The following FNIP2 variants were observed in gnomAD, a reference collection of about 807,000 sequenced individuals.
FNIP2 encodes folliculin interacting protein 2.
Under a neutral mutation model 108.7 loss-of-function variants are expected in FNIP2, and 32 were observed. The ratio of observed to expected loss-of-function variants is 0.29; its 90% CI spans 0.22 to 0.40. The LOEUF is 0.40. FNIP2 is among the 10% of genes least tolerant of loss of function. The pLI is 1.00. For synonymous variants in FNIP2, 480 were observed against 496.7 expected (o/e 0.97, Z 0.45); for missense variants, 1,202 against 1,381.6 (o/e 0.87, Z 2.06).
At chr4:158,837,353 A>G (rs1424948862) in intron 7 of FNIP2, among the ~76,000 whole-genome samples, 1 of 152,240 alleles carries the variant, frequency 6.6e-6, no homozygotes, top group Non-Finnish European at 1.5e-5. Flanking sequence ...GAACACTGAC[A>G]TCACAGTTTC....
At chr4:158,837,805 T>C (rs1054448588) in intron 7 of FNIP2, among the ~76,000 whole-genome samples, 4 of 152,228 alleles carry the variant, frequency 2.6e-5, no homozygotes, top group African/African-American at 9.6e-5. Context: ...GTTTGACTTC[T>C]ATTCTGGGCA....
intron 15 of FNIP2, among the ~76,000 whole-genome samples, chr4:158,892,980 T>C (rs1251573062): frequency 6.6e-6 from 1 of 152,216 alleles, no homozygotes; most frequent in Non-Finnish European, 1.5e-5. Flanking sequence ...AAGAAGGTGC[T>C]CTGAAATACC....
chr4:158,801,829 T>C (rs1776773094), intron 1 of FNIP2, among the ~76,000 whole-genome samples: 1 of 152,186 alleles, frequency 6.6e-6, no homozygotes, highest in Admixed American at 6.5e-5. Context: ...GATTGCACAC[T>C]GAACTGGTAT....
Position 158,851,366 on chromosome 4 carries a change from C to T in FNIP2, c.773C>T (p.Ser258Phe), listed in dbSNP as rs755820302. 1.7e-5 allele frequency: 27 copies of T among 1,613,874 alleles called. No homozygotes were observed. Among genetic ancestry groups the T allele is most frequent in the Non-Finnish European group, 2.1e-5 (25 of 1,179,884 alleles). Residue 258 changes from serine to phenylalanine, a missense_variant, in exon 8 of 17, where the codon TCC (serine) becomes TTC (phenylalanine). This residue lies in a region of FNIP2 where 878 missense variants were observed against 990.3 expected (regional missense o/e 0.89). Transcript: ENST00000264433. ...ATCACACCTTTCCCATCTCCAAGCT[C>T]CTCTACATCTTCTTCCAGCAGTTAC... is the stretch of plus-strand genomic sequence containing the variant. ...LLITPFPSPS[S>F]STSSSSSYQR...
intron 1 of FNIP2, among the ~76,000 whole-genome samples, chr4:158,778,753 G>T (rs765231536): frequency 2.0e-5 from 3 of 152,224 alleles, no homozygotes; most frequent in Non-Finnish European, 4.4e-5. Flanking sequence ...TCCACTGGAA[G>T]TCTTGAAAGG....
Position 158,868,481 on chromosome 4 carries a change from C to G in FNIP2, c.1845C>G (p.Asp615Glu), listed in dbSNP as rs1560816196. The stretch of plus-strand genomic sequence containing the variant: ...GTAGAGACCTGGGTCTTAAACCTGA[C>G]AAAGAAGCTAACAGGAGGCCAGAGC... ...TDSRDLGLKP[D>E]KEANRRPEQG... The change falls in exon 13 of 17, where the codon GAC (aspartate) becomes GAG (glutamate). Residue 615 changes from aspartate to glutamate, a missense_variant. Asp to Glu is a conservative substitution (Grantham distance 45). Coordinates refer to ENST00000264433, the MANE Select transcript of FNIP2 (RefSeq NM_020840.3). This position sits in a 1 kb window ranked among gnomAD's most constrained non-coding sequence, Gnocchi z 4.6. 3 of 1,613,994 alleles carry G rather than the reference C, an allele frequency of 1.9e-6. No homozygotes were observed.
intron 1 of FNIP2, among the ~76,000 whole-genome samples, chr4:158,786,580 A>T (rs1270565164): frequency 6.6e-6 from 1 of 152,218 alleles, no homozygotes; most frequent in Non-Finnish European, 1.5e-5. Context: ...AAATAAATGA[A>T]CAAACCCAGG....
chr4:158,872,218 C>T, intron 14 of FNIP2: 1 of 985,376 alleles, frequency 1.0e-6, no homozygotes, highest in Non-Finnish European at 1.2e-6. Flanking sequence ...TCTGGAAATG[C>T]AATCTATTGA....
intron 1 of FNIP2, among the ~76,000 whole-genome samples, chr4:158,818,944 G>A (rs1237653235): frequency 6.6e-6 from 1 of 152,192 alleles, no homozygotes; most frequent in East Asian, 1.9e-4. Context: ...CAAGCATCAT[G>A]TCTTCTGTGA....
At chr4:158,903,196 T>C (rs971950600) in intron 16 of FNIP2, among the ~76,000 whole-genome samples, 1 of 152,122 alleles carries the variant, frequency 6.6e-6, no homozygotes, top group Admixed American at 6.5e-5. Context: ...AGTGCAGATA[T>C]TGAGTTCCTC....
chr4:158,779,569 TG>T (rs1252650539), intron 1 of FNIP2, among the ~76,000 whole-genome samples: 4 of 74,976 alleles, frequency 5.3e-5, no homozygotes, highest in East Asian at 4.7e-4. Context: ...TTGTTGGTCG[TG>T]GTTTTTTTTT....
chr4:158,783,292 T>C (rs558262095), intron 1 of FNIP2, among the ~76,000 whole-genome samples: 1 of 152,326 alleles, frequency 6.6e-6, no homozygotes, highest in Non-Finnish European at 1.5e-5. Context: ...GTGAAAGCAT[T>C]GCCATAGTGT....
At chr4:158,900,787 A>AGTT (rs1729157665) in intron 16 of FNIP2, among the ~76,000 whole-genome samples, 1 of 152,054 alleles carries the variant, frequency 6.6e-6, no homozygotes, top group Admixed American at 6.5e-5. Context: ...CTCTTTATCC[A>AGTT]GTTTGCCAGT....
At chr4:158,831,557 G>A (rs1778482970) in intron 3 of FNIP2, among the ~76,000 whole-genome samples, 1 of 152,108 alleles carries the variant, frequency 6.6e-6, no homozygotes, top group South Asian at 2.1e-4. Flanking sequence ...TGTATTTAGA[G>A]TTTATAAATG....
intron 6 of FNIP2, chr4:158,834,071 T>C: frequency 3.3e-6 from 1 of 302,568 alleles, no homozygotes; most frequent in Non-Finnish European, 6.3e-6. Flanking sequence ...GAACCTCTCT[T>C]GTAAATGTCT....
In FNIP2 at chr4:158,904,865, T is replaced by TG. The variant is rs563373906; in HGVS notation, c.*324dup. 80 of 269,742 alleles carry TG rather than the reference T, an allele frequency of 3.0e-4. 1 individual carries two copies. The South Asian group carries it at 4.7e-3, about 16-fold the overall frequency. The allele number at this position is 269,742 out of a possible 1,614,324, so 16.7% of individuals were successfully genotyped here. On this transcript the variant is annotated 3_prime_UTR_variant, in exon 17 of 17. Transcript: ENST00000264433. ...TTGCAACAGATTGCCTTGTGCTGTT[T>TG]GGGCAGAATAAAGACAAGTGACTTG...
intron 8 of FNIP2, among the ~76,000 whole-genome samples, chr4:158,851,778 G>A (rs1259307410): frequency 1.3e-5 from 2 of 152,158 alleles, no homozygotes; most frequent in East Asian, 3.9e-4. Context: ...AATGAAGGGT[G>A]GATCAATCTC....
chr4:158,902,368 A>G (rs978893551), intron 16 of FNIP2, among the ~76,000 whole-genome samples: 2 of 152,208 alleles, frequency 1.3e-5, no homozygotes, highest in African/African-American at 4.8e-5. Flanking sequence ...GCTTCGTCCC[A>G]GAGGGGCACC....
Position 158,859,130 on chromosome 4 carries a change from A to G in FNIP2, c.931A>G (p.Ile311Val). 2 of 1,614,024 alleles carry G rather than the reference A, an allele frequency of 1.2e-6. No individual in the cohort carries two copies. The highest frequency in any genetic ancestry group is 1.7e-6 in the Non-Finnish European group (2 of 1,179,876). Reference protein sequence around the residue: ...SNPAMVRRKKIAISIIFSLCE... With the variant: ...SNPAMVRRKKVAISIIFSLCE... ...TCCAGCTATGGTTAGGAGGAAGAAA[A>G]TTGCCATAAGCATCATCTTTTCCCT... The change falls in exon 9 of 17, where the codon ATT (isoleucine) becomes GTT (valine). Residue 311 changes from isoleucine (I) to valine (V), a missense_variant. By Grantham distance (29) the Ile-to-Val change is conservative (BLOSUM62 3). This residue lies in a region of FNIP2 where 878 missense variants were observed against 990.3 expected (regional missense o/e 0.89). Transcript: ENST00000264433.
Sources: gnomAD v4.1 joint callset for allele counts (sites outside exome capture counted in the v4.1 genomes callset) on GRCh38, gnomAD v4.1.1 for gene constraint, gnomAD v4.1.1 regional missense constraint, Gnocchi (gnomAD v3.1) non-coding constraint, MANE v1.5 for transcripts, NCBI Gene and HGNC (gene_info 2026-07-23, HGNC 2026-07-21) for gene names.